LRRC53: variants seen among roughly 807,000 people sequenced by gnomAD.
LRRC53 encodes the protein leucine rich repeat containing 53.
A neutral mutation model predicts 13.6 loss-of-function variants in LRRC53; 25 were observed. The observed-to-expected ratio is 1.83, with a 90% CI of 1.34 to 2.56. LRRC53 has a LOEUF of 2.56. LRRC53 is among the 30% of genes most tolerant of loss of function. The pLI, the probability that LRRC53 is intolerant of heterozygous loss-of-function variation, is 0.00. For synonymous variants in LRRC53, 204 were observed against 109.8 expected (o/e 1.86, Z -5.37); for missense variants, 527 against 275.8 (o/e 1.91, Z -6.45).
At chr1:74,531,348 T>C in the LRRC53 span, among the ~76,000 whole-genome samples, 1 of 152,234 alleles carries the variant, frequency 6.6e-6, no homozygotes, top group African/African-American at 2.4e-5. Flanking sequence ...TGAACTTAAC[T>C]GATAAATTAG....
upstream of LRRC53, among the ~76,000 whole-genome samples, chr1:74,514,745 G>T (rs112996031): frequency 2.4e-3 from 367 of 152,166 alleles, 2 homozygotes; most frequent in African/African-American, 8.5e-3. Flanking sequence ...TAAAAAACAA[G>T]ATCAAGACTG....
At position 74,475,378 on chromosome 1, in the gene LRRC53, G is replaced by A; in HGVS notation, c.1337C>T (p.Pro446Leu). The A allele has an allele frequency of 1.4e-6, 1 of 716,646 alleles. No individual in the cohort carries two copies. The highest frequency in any genetic ancestry group is 2.6e-6 in the Non-Finnish European group (1 of 384,710). The allele number at this position is 716,646 out of a possible 1,614,324, so 44.4% of individuals were successfully genotyped here. ...ATTCCATAGCTTTTGAACTTTCCTT[G>A]GATTATATGTTGTAAGTAAGCCTGC... The part of the protein sequence containing the change: ...NEAGLLTTYN[P>L]RKVQKLWNLE... The change falls in exon 4 of 5, where the codon CCA (proline) becomes CTA (leucine). Residue 446 changes from proline to leucine, a missense_variant. Pro to Leu is a moderately conservative substitution (Grantham distance 98). Coordinates refer to ENST00000294635, the MANE Select transcript of LRRC53 (RefSeq NM_001382280.1).
At chr1:74,505,193 G>A (rs893266714) in intron 1 of LRRC53, among the ~76,000 whole-genome samples, 1 of 152,168 alleles carries the variant, frequency 6.6e-6, no homozygotes, top group African/African-American at 2.4e-5. Context: ...GTAAGACTTG[G>A]CCCAAAAATG....
chr1:74,501,221 T>A (rs976254352), intron 1 of LRRC53, among the ~76,000 whole-genome samples: 1 of 152,216 alleles, frequency 6.6e-6, no homozygotes, highest in Non-Finnish European at 1.5e-5. Flanking sequence ...TGTCTTCCAA[T>A]TCACTTATTC....
chr1:74,510,887 A>C (rs1211326902), intron 1 of LRRC53, among the ~76,000 whole-genome samples: 1 of 152,136 alleles, frequency 6.6e-6, no homozygotes, highest in Non-Finnish European at 1.5e-5. Context: ...CAAACTGAAT[A>C]TGCTTTTTTT....
In LRRC53 at chr1:74,471,390, C is replaced by T. The variant is rs577203019; in HGVS notation, c.2232G>A (p.Gln744=). The T allele has an allele frequency of 2.5e-6, 1 of 400,642 alleles. No homozygotes were observed. The highest frequency in any genetic ancestry group is 1.3e-4 in the South Asian group (1 of 7,948). The allele number at this position is 400,642 out of a possible 1,614,324, so 24.8% of individuals were successfully genotyped here. A position where few individuals can be genotyped will look rare whatever the true frequency, so the allele number is the denominator to read the frequency against. The change falls in exon 5 of 5, where the codon CAG becomes CAA. Residue 744 remains glutamine (Q), a synonymous_variant. Coordinates refer to ENST00000294635, the MANE Select transcript of LRRC53 (RefSeq NM_001382280.1). ...SLSSLPKQCK[Q]VLLPPKKLSK... ...ATAATTTCTTAGGAGGCAACAATAC[C>T]TGCTTGCATTGCTTTGGGAGACTTG...
intron 1 of LRRC53, among the ~76,000 whole-genome samples, chr1:74,494,256 G>T (rs1302392915): frequency 2.0e-5 from 3 of 152,120 alleles, no homozygotes; most frequent in Admixed American, 6.6e-5. Context: ...AAGATTATCT[G>T]GAGTTAGCAA....
intron 1 of LRRC53, among the ~76,000 whole-genome samples, chr1:74,512,090 C>CA (rs1670256352): frequency 1.3e-5 from 2 of 152,142 alleles, no homozygotes; most frequent in African/African-American, 4.8e-5. Context: ...AGGCAGTGAG[C>CA]ATGAAAAGAT....
intron 3 of LRRC53, among the ~76,000 whole-genome samples, chr1:74,479,077 T>G (rs1213922304): frequency 6.6e-6 from 1 of 152,158 alleles, no homozygotes; most frequent in Non-Finnish European, 1.5e-5. Context: ...AGATAACTGT[T>G]ACAGAATAAT....
chr1:74,518,698 A>T, the LRRC53 span, among the ~76,000 whole-genome samples: 42 of 152,210 alleles, frequency 2.8e-4, 1 homozygote, highest in South Asian at 4.8e-3. Flanking sequence ...TTAAGCTCAA[A>T]ATTATTATAT....
At chr1:74,532,607 T>G in the LRRC53 span, among the ~76,000 whole-genome samples, 1 of 151,984 alleles carries the variant, frequency 6.6e-6, no homozygotes, top group Non-Finnish European at 1.5e-5. Flanking sequence ...GTATATCTCC[T>G]AATGCTATCC....
chr1:74,500,022 C>A (rs1669528453), intron 1 of LRRC53, among the ~76,000 whole-genome samples: 1 of 151,528 alleles, frequency 6.6e-6, no homozygotes, highest in African/African-American at 2.4e-5. Flanking sequence ...TATTTCTATT[C>A]TTTGGTGAGT....
chr1:74,521,629 A>G, the LRRC53 span, among the ~76,000 whole-genome samples: 14 of 152,156 alleles, frequency 9.2e-5, no homozygotes, highest in Non-Finnish European at 1.8e-4. Flanking sequence ...GTAAAGACGC[A>G]CTATATTCCT....
intron 1 of LRRC53, among the ~76,000 whole-genome samples, chr1:74,495,633 T>C (rs1669291353): frequency 6.6e-6 from 1 of 152,172 alleles, no homozygotes; most frequent in Non-Finnish European, 1.5e-5. Flanking sequence ...TATTCCAATT[T>C]TTATAGATGA....
At chr1:74,486,861 G>A (rs531559662) in intron 1 of LRRC53, among the ~76,000 whole-genome samples, 8 of 152,198 alleles carry the variant, frequency 5.3e-5, no homozygotes, top group African/African-American at 1.7e-4. Context: ...ATGTTTCAGG[G>A]ACAAAGGAAT....
intron 3 of LRRC53, among the ~76,000 whole-genome samples, chr1:74,478,139 A>C (rs1217955619): frequency 1.3e-5 from 2 of 152,232 alleles, no homozygotes; most frequent in Non-Finnish European, 2.9e-5. Flanking sequence ...AGAAGTATAG[A>C]TAACTCACCA....
the LRRC53 span, among the ~76,000 whole-genome samples, chr1:74,521,990 TA>T: frequency 2.6e-5 from 4 of 151,836 alleles, no homozygotes; most frequent in African/African-American, 4.8e-5. Flanking sequence ...CCAGGTAGAG[TA>T]AAAAAAATTC....
intron 1 of LRRC53, among the ~76,000 whole-genome samples, chr1:74,510,431 C>T (rs1670127135): frequency 6.6e-6 from 1 of 152,078 alleles, no homozygotes; most frequent in South Asian, 2.1e-4. Flanking sequence ...TGGCTTGAAC[C>T]CGGGAGGTGG....
At chr1:74,514,820 C>G (rs1255369530), upstream of LRRC53, among the ~76,000 whole-genome samples, 2 of 152,162 alleles carry the variant, frequency 1.3e-5, no homozygotes, top group African/African-American at 4.8e-5. Context: ...GTTGAAGTCT[C>G]AGACCCTGGT....
Sources: allele counts gnomAD v4.1 joint callset (sites outside exome capture counted in the v4.1 genomes callset), GRCh38; gene constraint gnomAD v4.1.1; transcripts MANE v1.5; gene names NCBI Gene and HGNC (gene_info 2026-07-23, HGNC 2026-07-21).